PLEKHH3: variants seen among roughly 807,000 people sequenced by gnomAD.
PLEKHH3 encodes the protein pleckstrin homology domain-containing family H member 3.
PLEKHH3 carries 57 observed loss-of-function variants against 77.8 expected under a neutral mutation model. The observed-to-expected ratio is 0.73, with a 90% CI of 0.59 to 0.91. The LOEUF (loss-of-function observed/expected upper bound fraction) is 0.91, where lower values mean the gene tolerates loss of function less well. Among genes scored for constraint, PLEKHH3 ranks in the 40% least tolerant of loss-of-function variants. The probability of loss-of-function intolerance (pLI) is 0.00; values close to 1 mark genes in which losing one functional copy is unlikely to be tolerated. For missense variants in PLEKHH3, 1,082 were observed against 1,091.2 expected (o/e 0.99, Z 0.12); for synonymous variants, 467 against 504.8 (o/e 0.93, Z 1.00).
At position 42,672,309 on chromosome 17, in the gene PLEKHH3, G is replaced by A. The variant is rs574678096; in HGVS notation, c.853C>T (p.Pro285Ser). 18 of 1,548,952 alleles carry A rather than the reference G, an allele frequency of 1.2e-5. No homozygotes were observed. The highest frequency in any genetic ancestry group is 3.9e-5 in the Admixed American group (2 of 50,976). Residue 285 changes from proline (P) to serine (S), a missense_variant, in exon 7 of 13, where the codon CCC (proline) becomes TCC (serine). Physicochemically the swap from Pro to Ser is moderately conservative, Grantham distance 74 (BLOSUM62 -1). Coordinates refer to ENST00000591022, the MANE Select transcript of PLEKHH3 (RefSeq NM_024927.5). ...QALEGARRPG[P>S]LMQGVLQTCR... The stretch of plus-strand genomic sequence containing the variant: ...GTTTGGAGCACACCCTGCATCAAGG[G>A]CCCGGGGCGCCGCGCCCCCTCCAGC...
In PLEKHH3 at chr17:42,671,169, TGC is replaced by T; in HGVS notation, c.1285-41_1285-40del. The T allele has an allele frequency of 6.5e-7, 1 of 1,540,576 alleles. No homozygotes were observed. Among genetic ancestry groups the T allele is most frequent in the Admixed American group, 2.0e-5 (1 of 48,942 alleles). On this transcript the variant is annotated intron_variant, in intron 8 of 12. Coordinates refer to ENST00000591022, the MANE Select transcript of PLEKHH3 (RefSeq NM_024927.5). The surrounding 1 kb of genome is among the most constrained non-coding windows in gnomAD (Gnocchi z 4.7). ...GTGAGGGGAGACCACTCAGAGGTCTTGCCAGGATTCTGGGAGGGGTTGATTCA... is the reference window on the plus strand; with the variant it reads ...GTGAGGGGAGACCACTCAGAGGTCTTCAGGATTCTGGGAGGGGTTGATTCA...
In PLEKHH3 at chr17:42,670,364, G is replaced by T; in HGVS notation, c.1567C>A (p.Leu523Met). ...GGTGGGGGCGGCCGGCCCCGCAGCA[G>T]CAGAGCGTGAGCCTGCAGGGGAGGC... is the stretch of plus-strand genomic sequence containing the variant. ...PFLFEQAHAL[L>M]LRGRPPPPDD... is the part of the protein sequence containing the mutation. The change falls in exon 11 of 13, where the codon CTG (leucine) becomes ATG (methionine). Residue 523 changes from leucine (L) to methionine (M), a missense_variant. This residue lies in a region of PLEKHH3 where 733 missense variants were observed against 750.0 expected (regional missense o/e 0.98). Transcript: ENST00000591022. 1 of 1,423,090 alleles carries T rather than the reference G, an allele frequency of 7.0e-7. No homozygotes were observed. The highest frequency in any genetic ancestry group is 9.1e-7 in the Non-Finnish European group (1 of 1,099,464). The allele number at this position is 1,423,090 out of a possible 1,614,324, so 88.2% of individuals were successfully genotyped here.
chr17:42,670,560 C>T lies in PLEKHH3; in HGVS notation c.1554+13G>A, dbSNP rs768836752. On this transcript the variant is annotated intron_variant, in intron 10 of 12. Coordinates refer to ENST00000591022, the MANE Select transcript of PLEKHH3 (RefSeq NM_024927.5). ...GGGGTCTGTTTGGAGGCGTGAACGC[C>T]GGAGAGCCTCACCTGCTCAAAGAGG... The T allele has an allele frequency of 3.7e-6, 6 of 1,601,062 alleles. No homozygotes were observed. Among genetic ancestry groups the T allele is most frequent in the East Asian group, 2.2e-5 (1 of 44,480 alleles).
chr17:42,670,385 G>T lies in PLEKHH3; in HGVS notation c.1555-9C>A. 2 of 1,441,500 alleles carry T rather than the reference G, an allele frequency of 1.4e-6. No individual in the cohort carries two copies. The highest frequency in any genetic ancestry group is 1.5e-5 in the African/African-American group (1 of 68,414). The allele number at this position is 1,441,500 out of a possible 1,614,324, so 89.3% of individuals were successfully genotyped here. On this transcript the variant is annotated splice_polypyrimidine_tract_variant and intron_variant, in intron 10 of 12. Transcript: ENST00000591022. ...AGCAGCAGAGCGTGAGCCTGCAGGG[G>T]AGGCACCCGGCGTCAGTGTACGAGC...
intron 1 of PLEKHH3, among the ~76,000 whole-genome samples, chr17:42,675,338 G>A (rs912030397): frequency 1.3e-5 from 2 of 152,070 alleles, no homozygotes; most frequent in African/African-American, 4.8e-5. Flanking sequence ...GCCTGGTAAA[G>A]CCGACCCTGC....
At position 42,673,520 on chromosome 17, in the gene PLEKHH3, C is replaced by T; in HGVS notation, c.527G>A (p.Ser176Asn). ...CTGGCGTGGGGAGCAGAGGCGGACACTGTGTTTCCGACCAGACACAGTCAC... is the reference window on the plus strand; with the variant it reads ...CTGGCGTGGGGAGCAGAGGCGGACATTGTGTTTCCGACCAGACACAGTCAC... ...WSVTVSGRKH[S>N]VRLCSPRQAE... is the part of the protein sequence containing the mutation. Residue 176 changes from serine (S) to asparagine (N), a missense_variant, in exon 5 of 13, where the codon AGT becomes AAT. Around this residue, in one of 3 missense-constraint regions of PLEKHH3, gnomAD observed 344 missense variants for 320.8 expected, o/e 1.07. Transcript: ENST00000591022. 1 of 1,601,804 alleles carries T rather than the reference C, an allele frequency of 6.2e-7. No homozygotes were observed. Among genetic ancestry groups the T allele is most frequent in the Non-Finnish European group, 8.5e-7 (1 of 1,175,096 alleles).
At position 42,676,001 on chromosome 17, in the gene PLEKHH3, A is replaced by C; in HGVS notation, c.162+401T>G. 9.3e-7 allele frequency: 1 copy of C among 1,072,882 alleles called. No individual in the cohort carries two copies. Among genetic ancestry groups the C allele is most frequent in the South Asian group, 3.0e-5 (1 of 32,880 alleles). 66.5% of individuals were successfully genotyped at this position (1,072,882 alleles called of 1,614,324 possible). On this transcript the variant is annotated intron_variant, in intron 1 of 12. Coordinates refer to ENST00000591022, the MANE Select transcript of PLEKHH3 (RefSeq NM_024927.5). This position sits in a 1 kb window ranked among gnomAD's most constrained non-coding sequence, Gnocchi z 6.6. The stretch of plus-strand genomic sequence containing the variant: ...GGGAGCTCTCGCATCTGGCCTCCGC[A>C]CTTGCGAACTGGGAGCGGAGGGGGA...
intron 1 of PLEKHH3, chr17:42,675,930 C>A (rs2052814769): frequency 2.9e-6 from 3 of 1,025,530 alleles, no homozygotes; most frequent in South Asian, 3.7e-5. Context: ...CCGCCACAGA[C>A]CCCAATCCTG....
Position 42,674,002 on chromosome 17 carries a change from C to T in PLEKHH3, c.230G>A (p.Trp77Ter). 1 of 1,613,150 alleles carries T rather than the reference C, an allele frequency of 6.2e-7. No homozygotes were observed. Among genetic ancestry groups the T allele is most frequent in the Non-Finnish European group, 8.5e-7 (1 of 1,179,868 alleles). ...CGGGATGAGGCTCCAAGTCTCCTCCCAGCTCTGCAGCCTGGGCCAGAGGGG... is the reference window on the plus strand; with the variant it reads ...CGGGATGAGGCTCCAAGTCTCCTCCTAGCTCTGCAGCCTGGGCCAGAGGGG... Reference protein sequence around the residue: ...SGPVSNRLQSWEETWSLIPEK... With the variant: ...SGPVSNRLQS Residue 77 changes from tryptophan (W) to a stop codon, truncating the protein, a stop_gained, in exon 3 of 13, where the codon TGG (tryptophan) becomes TAG (stop). Transcript: ENST00000591022. LOFTEE classifies it high-confidence loss of function.
Position 42,673,943 on chromosome 17 carries a change from C to G in PLEKHH3, c.289G>C (p.Val97Leu). Residue 97 changes from valine to leucine, a missense_variant, in exon 3 of 13, where the codon GTT becomes CTT. Val to Leu is a conservative substitution (Grantham distance 32). Coordinates refer to ENST00000591022, the MANE Select transcript of PLEKHH3 (RefSeq NM_024927.5). Reference sequence around the variant, plus strand: ...TGAGGGGGGTCTCTACCTTTCACAACGATGTCCGGGTCGTCCTCCGGCAGC... The same window carrying G: ...TGAGGGGGGTCTCTACCTTTCACAAGGATGTCCGGGTCGTCCTCCGGCAGC... ...KGLPEDDPDI[V>L]VKGWLYREPR... The G allele has an allele frequency of 1.2e-6, 2 of 1,613,486 alleles. No homozygotes were observed. The highest frequency in any genetic ancestry group is 1.7e-6 in the Non-Finnish European group (2 of 1,179,934).
At position 42,671,586 on chromosome 17, in the gene PLEKHH3, T is replaced by C. The variant is rs774065561; in HGVS notation, c.1077-28A>G. ...GGGTTAGGAGGAACCCAGGGATCAA[T>C]ACTCCAAGGGCTTTCTTCTCCCCCT... On this transcript the variant is annotated intron_variant, in intron 7 of 12. Transcript: ENST00000591022. This position sits in a 1 kb window ranked among gnomAD's most constrained non-coding sequence, Gnocchi z 4.7. The C allele has an allele frequency of 6.3e-7, 1 of 1,582,898 alleles. No homozygotes were observed. The highest frequency in any genetic ancestry group is 1.1e-5 in the South Asian group (1 of 87,686).
intron 9 of PLEKHH3, 122 bp from the exon 10 acceptor site, chr17:42,670,827 G>A: frequency 6.6e-7 from 1 of 1,515,778 alleles, no homozygotes; most frequent in Non-Finnish European, 8.9e-7. Context: ...CAGCGGAGGT[G>A]ATGCTGCAGT....
Position 42,676,251 on chromosome 17 carries a change from C to T in PLEKHH3, c.162+151G>A. The T allele has an allele frequency of 7.0e-7, 1 of 1,419,466 alleles. No homozygotes were observed. The highest frequency in any genetic ancestry group is 9.3e-7 in the Non-Finnish European group (1 of 1,077,414). The allele number at this position is 1,419,466 out of a possible 1,614,324, so 87.9% of individuals were successfully genotyped here. A position where few individuals can be genotyped will look rare whatever the true frequency, so the allele number is the denominator to read the frequency against. On this transcript the variant is annotated intron_variant, in intron 1 of 12. Coordinates refer to ENST00000591022, the MANE Select transcript of PLEKHH3 (RefSeq NM_024927.5). This position sits in a 1 kb window ranked among gnomAD's most constrained non-coding sequence, Gnocchi z 6.6. ...CCGAGTAGGGCTGCTGCTCCGAGAG[C>T]TCCCGGGGGCTTTGGCCCCCAGGCA...
Position 42,668,303 on chromosome 17 carries a change from C to A in PLEKHH3, c.2206G>T (p.Val736Leu), listed in dbSNP as rs866835052. Residue 736 changes from valine (V) to leucine (L), a missense_variant and splice_region_variant, in exon 13 of 13, where the codon GTG becomes TTG. Physicochemically the swap from Val to Leu is conservative, Grantham distance 32. Coordinates refer to ENST00000591022, the MANE Select transcript of PLEKHH3 (RefSeq NM_024927.5). ...TTCACCAGCTGCATGATCTCTTCCACCTAAGAGAGGGCAGAGGTCAGTGTG... is the reference window on the plus strand; with the variant it reads ...TTCACCAGCTGCATGATCTCTTCCAACTAAGAGAGGGCAGAGGTCAGTGTG... ...ESQLLLQSPQ[V>L]EEIMQLVNAY... is the part of the protein sequence containing the mutation. 1.3e-6 allele frequency: 2 copies of A among 1,539,746 alleles called. No homozygotes were observed. Among genetic ancestry groups the A allele is most frequent in the Non-Finnish European group, 8.7e-7 (1 of 1,152,950 alleles).
rs538893682 is a variant in PLEKHH3 at position 42,671,964 on chromosome 17, A to G, written c.1076+122T>C. 2.4e-5 allele frequency: 20 copies of G among 821,700 alleles called. No individual in the cohort carries two copies. In the East Asian group the frequency reaches 5.6e-4, roughly 23 times the overall value. 50.9% of individuals were successfully genotyped at this position (821,700 alleles called of 1,614,324 possible). A position where few individuals can be genotyped will look rare whatever the true frequency, so the allele number is the denominator to read the frequency against. ...ACTGCGATAGGATCTTGTATCTCCC[A>G]CAAAGGCACTGTATGTATTACTCGG... On this transcript the variant is annotated intron_variant, in intron 7 of 12. Transcript: ENST00000591022. The surrounding 1 kb of genome is among the most constrained non-coding windows in gnomAD (Gnocchi z 4.7).
chr17:42,670,111 C>A lies in PLEKHH3; in HGVS notation c.1820G>T (p.Gly607Val), dbSNP rs2052654039. The A allele has an allele frequency of 2.3e-6, 3 of 1,310,858 alleles. No homozygotes were observed. In the South Asian group the frequency reaches 6.7e-5, roughly 29 times the overall value. The allele number at this position is 1,310,858 out of a possible 1,614,324, so 81.2% of individuals were successfully genotyped here. A position where few individuals can be genotyped will look rare whatever the true frequency, so the allele number is the denominator to read the frequency against. The change falls in exon 11 of 13, where the codon GGC becomes GTC. Residue 607 changes from glycine to valine, a missense_variant. By Grantham distance (109) the Gly-to-Val change is moderately radical (BLOSUM62 -3). Around this residue, in one of 3 missense-constraint regions of PLEKHH3, gnomAD observed 733 missense variants for 750.0 expected, o/e 0.98. Transcript: ENST00000591022. ...AKRRAERARR[G>V]GAGRTAGSIA... is the part of the protein sequence containing the mutation. Reference sequence around the variant, plus strand: ...GCTTCCCGCAGTGCGGCCGGCCCCGCCGCGCCGGGCCCGCTCCGCCCGCCT... The same window carrying A: ...GCTTCCCGCAGTGCGGCCGGCCCCGACGCGCCGGGCCCGCTCCGCCCGCCT...
In PLEKHH3 at chr17:42,672,276, C is replaced by T; in HGVS notation, c.886G>A (p.Asp296Asn). The change falls in exon 7 of 13, where the codon GAC becomes AAC. Residue 296 changes from aspartate (D) to asparagine (N), a missense_variant. Asp to Asn is a conservative substitution (Grantham distance 23). Coordinates refer to ENST00000591022, the MANE Select transcript of PLEKHH3 (RefSeq NM_024927.5). The stretch of plus-strand genomic sequence containing the variant: ...AGTTCATCCCGGAGCGCGGGCAAGT[C>T]CCGGCAGGTTTGGAGCACACCCTGC... Reference protein sequence around the residue: ...LMQGVLQTCRDLPALRDELFL... With the variant: ...LMQGVLQTCRNLPALRDELFL... 1 of 1,550,574 alleles carries T rather than the reference C, an allele frequency of 6.4e-7. No individual in the cohort carries two copies. Among genetic ancestry groups the T allele is most frequent in the Non-Finnish European group, 8.7e-7 (1 of 1,146,964 alleles).
Position 42,673,773 on chromosome 17 carries a change from G to C in PLEKHH3, c.360C>G (p.Ala120=), listed in dbSNP as rs781689594. Residue 120 remains alanine, a synonymous_variant, in exon 4 of 13, where the codon GCC becomes GCG. Coordinates refer to ENST00000591022, the MANE Select transcript of PLEKHH3 (RefSeq NM_024927.5). ...GARPWLPPRR[A]WFVLTRDSLD... is the part of the protein sequence containing the mutation. ...GGGAGTCCCGCGTGAGCACAAACCAGGCTCGGCGCGGGGGCAGCCAGGGCC... is the reference window on the plus strand; with the variant it reads ...GGGAGTCCCGCGTGAGCACAAACCACGCTCGGCGCGGGGGCAGCCAGGGCC... The C allele has an allele frequency of 8.2e-6, 13 of 1,594,842 alleles. No homozygotes were observed. In the East Asian group the frequency reaches 2.9e-4, roughly 36 times the overall value.
rs778093923 is a variant in PLEKHH3 at position 42,669,456 on chromosome 17, T to C, written c.2179A>G (p.Ser727Gly). 3.8e-6 allele frequency: 6 copies of C among 1,564,104 alleles called. No individual in the cohort carries two copies. The South Asian group carries it at 7.0e-5, about 18-fold the overall frequency. The change falls in exon 12 of 13, where the codon AGC (serine) becomes GGC (glycine). Residue 727 changes from serine to glycine, a missense_variant. By Grantham distance (56) the Ser-to-Gly change is moderately conservative. Transcript: ENST00000591022. ...TGGGGGCTCTGCAGGAGGAGCTGGC[T>C]CTCTCCCACCCTCAAGGCCAGGGTG... The part of the protein sequence containing the change: ...PHTLALRVGE[S>G]QLLLQSPQVE...
Sources: allele counts gnomAD v4.1 joint callset (sites outside exome capture counted in the v4.1 genomes callset), GRCh38; gene constraint gnomAD v4.1.1; regional missense constraint gnomAD v4.1.1; non-coding constraint Gnocchi (gnomAD v3.1); transcripts MANE v1.5; gene names NCBI Gene and HGNC (gene_info 2026-07-23, HGNC 2026-07-21).